The following PMM2 variants were observed in gnomAD, a reference collection of about 807,000 sequenced individuals.
PMM2 encodes phosphomannomutase 2, also known as mannose-6-phosphate isomerase.
In PMM2, 35 loss-of-function variants were observed where a neutral mutation model predicts 33.2. The ratio of observed to expected loss-of-function variants is 1.06; its 90% confidence interval spans 0.81 to 1.40. The LOEUF (loss-of-function observed/expected upper bound fraction) is 1.40. Among genes scored for constraint, PMM2 ranks in the 40% most tolerant of loss-of-function variants. The pLI is 0.00. For missense variants in PMM2, 386 were observed against 306.0 expected, an observed-to-expected ratio of 1.26 and a Z score of -1.95; for synonymous variants, 153 against 114.7, an observed-to-expected ratio of 1.33 and a Z score of -2.13.
chr16:8,823,902 G>A (rs1173686700), intron 7 of PMM2, among the ~76,000 whole-genome samples: 1 of 152,230 alleles, frequency 6.6e-6, no homozygotes, highest in African/African-American at 2.4e-5. Flanking sequence ...CCTTAAAGCA[G>A]TCTGTTTATA....
At chr16:8,846,219 G>A (rs1341102059) in intron 7 of PMM2, among the ~76,000 whole-genome samples, 2 of 152,174 alleles carry the variant, frequency 1.3e-5, no homozygotes, top group Non-Finnish European at 2.9e-5. Flanking sequence ...TCTGCCTGGG[G>A]ATAGGTTCTT....
At chr16:8,832,687 G>GA in intron 7 of PMM2, 4 of 985,432 alleles carry the variant, frequency 4.1e-6, no homozygotes, top group Middle Eastern at 5.2e-4. Flanking sequence ...CCGTTCTCCA[G>GA]AAAGATCCTG....
chr16:8,843,945 G>A (rs12596636), intron 7 of PMM2, among the ~76,000 whole-genome samples: 142,155 of 150,904 alleles, frequency 0.94, 67,098 homozygotes, highest in East Asian at 0.97. Context: ...GGACTGAGGG[G>A]ACAGGCGGGA....
At chr16:8,836,062 A>C (rs11862263) in intron 7 of PMM2, among the ~76,000 whole-genome samples, 70,355 of 150,726 alleles carry the variant, frequency 0.47, 16,811 homozygotes, top group Middle Eastern at 0.56. Context: ...AATTGGCACC[A>C]GAGTTGGGGA....
rs970849141 is a variant in PMM2, at chr16:8,848,320, C to G, written c.*495C>G. ...CCAGGACGAAGTTTACAAACACCTC[C>G]TGGAACGAAGCTCCCGCCTGCATGT... On this transcript the variant is annotated 3_prime_UTR_variant, in exon 8 of 8. Coordinates refer to ENST00000268261, the MANE Select transcript of PMM2 (RefSeq NM_000303.3). 2.7e-5 allele frequency: 5 copies of G among 186,652 alleles called. No homozygotes were observed. The highest frequency in any genetic ancestry group is 5.7e-5 in the Non-Finnish European group (5 of 87,660). The allele number at this position is 186,652 out of a possible 1,614,324, so 11.6% of individuals were successfully genotyped here. A position where few individuals can be genotyped will look rare whatever the true frequency, so the allele number is the denominator to read the frequency against.
chr16:8,823,111 C>T (rs183014252), intron 7 of PMM2, among the ~76,000 whole-genome samples: 9 of 152,246 alleles, frequency 5.9e-5, no homozygotes, highest in African/African-American at 2.2e-4. Context: ...AAGACTAGAT[C>T]AGTTCAGTTA....
chr16:8,819,486 T>G (rs1347286538), intron 7 of PMM2, among the ~76,000 whole-genome samples: 1 of 152,190 alleles, frequency 6.6e-6, no homozygotes, highest in Admixed American at 6.5e-5. Flanking sequence ...TAACTCTTTC[T>G]TAATATGTTT....
At position 8,848,793 on chromosome 16, in the gene PMM2, C is replaced by G. The variant is rs779038788; in HGVS notation, c.*968C>G. On this transcript the variant is annotated 3_prime_UTR_variant, in exon 8 of 8. Coordinates refer to ENST00000268261, the MANE Select transcript of PMM2 (RefSeq NM_000303.3). ...AAGAGGAGCTGCTCTCCTATCTGCA[C>G]TCACCCAGGCCTTCACCCAGACTTT... 1.3e-5 allele frequency: 2 copies of G among 152,254 alleles called. No homozygotes were observed. The highest frequency in any genetic ancestry group is 6.5e-5 in the Admixed American group (1 of 15,288). The allele number at this position is 152,254 out of a possible 1,614,324, so 9.4% of individuals were successfully genotyped here. A position where few individuals can be genotyped will look rare whatever the true frequency, so the allele number is the denominator to read the frequency against.
chr16:8,820,843 G>C (rs2060734945), intron 7 of PMM2, among the ~76,000 whole-genome samples: 2 of 152,188 alleles, frequency 1.3e-5, no homozygotes, highest in Admixed American at 1.3e-4. Context: ...ATTTTCCTAA[G>C]AGATTGGAGC....
chr16:8,810,759 T>A (rs2060672790), intron 4 of PMM2: 2 of 380,038 alleles, frequency 5.3e-6, no homozygotes, highest in Admixed American at 7.9e-5. Context: ...GTATTTTTTG[T>A]AGAGACAGAG....
At chr16:8,816,251 C>G (rs577960822) in intron 7 of PMM2, among the ~76,000 whole-genome samples, 13 of 152,070 alleles carry the variant, frequency 8.5e-5, no homozygotes, top group African/African-American at 3.1e-4. Context: ...CTCAGCCTCC[C>G]GAGTAGCTGG....
chr16:8,843,450 C>T (rs2141047635), intron 7 of PMM2, among the ~76,000 whole-genome samples: 1 of 152,258 alleles, frequency 6.6e-6, no homozygotes, highest in Non-Finnish European at 1.5e-5. Context: ...GTCCGATTTC[C>T]AGTGGGGTCC....
At chr16:8,824,227 C>G (rs1399325349) in intron 7 of PMM2, among the ~76,000 whole-genome samples, 2 of 152,106 alleles carry the variant, frequency 1.3e-5, no homozygotes, top group Non-Finnish European at 2.9e-5. Flanking sequence ...CATGAGGATC[C>G]TAGAAGTTTT....
intron 2 of PMM2, among the ~76,000 whole-genome samples, chr16:8,804,035 T>TTTGTTTC (rs1555449104): frequency 1.1e-5 from 1 of 88,716 alleles, no homozygotes; most frequent in Non-Finnish European, 2.4e-5. Flanking sequence ...TTTTTTGTTT[T>TTTGTTTC]TTTTTTTTTT....
Position 8,847,767 on chromosome 16 carries a change from G to A in PMM2, c.683G>A (p.Gly228Asp), listed in dbSNP as rs1442230231. 6.2e-7 allele frequency: 1 copy of A among 1,614,060 alleles called. No homozygotes were observed. The highest frequency in any genetic ancestry group is 1.3e-5 in the African/African-American group (1 of 75,048). ...HEIFTDPRTM[G>D]YSVTAPEDTR... The stretch of plus-strand genomic sequence containing the variant: ...ATCTTCACAGACCCCAGAACCATGG[G>A]CTACTCCGTGACAGCGCCTGAGGAC... Residue 228 changes from glycine (G) to aspartate (D), a missense_variant, in exon 8 of 8, where the codon GGC (glycine) becomes GAC (aspartate). Gly to Asp is a moderately conservative substitution (Grantham distance 94). Coordinates refer to ENST00000268261, the MANE Select transcript of PMM2 (RefSeq NM_000303.3).
intron 4 of PMM2, chr16:8,810,163 T>G (rs1213736405): frequency 1.3e-5 from 2 of 152,244 alleles, no homozygotes; most frequent in East Asian, 3.8e-4. Flanking sequence ...TAATGTTAGC[T>G]TCTCATTTTC....
intron 7 of PMM2, among the ~76,000 whole-genome samples, chr16:8,831,770 T>C (rs1393028077): frequency 6.6e-6 from 1 of 152,184 alleles, no homozygotes; most frequent in African/African-American, 2.4e-5. Flanking sequence ...CATCTGAACA[T>C]GGCCAACACT....
intron 7 of PMM2, among the ~76,000 whole-genome samples, chr16:8,821,194 A>T (rs2060737464): frequency 6.6e-6 from 1 of 151,942 alleles, no homozygotes; most frequent in South Asian, 2.1e-4. Context: ...TCCTGGAGGG[A>T]CCCTGAGTGA....
At chr16:8,815,764 G>C (rs1214645398) in intron 7 of PMM2, among the ~76,000 whole-genome samples, 9 of 152,120 alleles carry the variant, frequency 5.9e-5, no homozygotes, top group Admixed American at 5.2e-4. Context: ...TATTTTAGAT[G>C]TGACACCAAA....
Sources: gnomAD v4.1 joint callset for allele counts (sites outside exome capture counted in the v4.1 genomes callset) on GRCh38, gnomAD v4.1.1 for gene constraint, MANE v1.5 for transcripts, NCBI Gene and HGNC (gene_info 2026-07-23, HGNC 2026-07-21) for gene names.